Variants in RBFOX1 observed in about 807,000 individuals in gnomAD.
RBFOX1 encodes the protein RNA binding fox-1 homolog 1, also known as RNA binding protein fox-1 homolog 1.
Under a neutral mutation model 57.7 loss-of-function variants are expected in RBFOX1, and 8 were observed. That is an observed-to-expected ratio of 0.14 (90% CI 0.08 to 0.25). The LOEUF is 0.25. RBFOX1 is among the 10% of genes least tolerant of loss of function. The pLI, the probability that RBFOX1 is intolerant of heterozygous loss-of-function variation, is 1.00. For synonymous variants in RBFOX1, 326 were observed against 222.4 expected, an observed-to-expected ratio of 1.47 and a Z score of -4.15; for missense variants, 611 against 548.5, an observed-to-expected ratio of 1.11 and a Z score of -1.14.
intron 3 of RBFOX1, among the ~76,000 whole-genome samples, chr16:5,676,546 G>T (rs1324583034): frequency 6.6e-6 from 1 of 152,164 alleles, no homozygotes; most frequent in Non-Finnish European, 1.5e-5. Context: ...TGTGAGGATT[G>T]AATGAGATTG....
chr16:6,285,333 TG>T (rs1242085187), intron 1 of RBFOX1, among the ~76,000 whole-genome samples: 1 of 152,166 alleles, frequency 6.6e-6, no homozygotes, highest in Non-Finnish European at 1.5e-5. Flanking sequence ...AGACTATATC[TG>T]GAAGTATGAA....
chr16:7,284,168 A>T (rs1447078347), intron 4 of RBFOX1, among the ~76,000 whole-genome samples: 2 of 152,202 alleles, frequency 1.3e-5, no homozygotes, highest in Non-Finnish European at 2.9e-5. Flanking sequence ...ACTATAGTTT[A>T]TTCACTAGTT....
At chr16:6,865,628 T>C (rs2059784485) in intron 3 of RBFOX1, among the ~76,000 whole-genome samples, 1 of 152,208 alleles carries the variant, frequency 6.6e-6, no homozygotes, top group Admixed American at 6.5e-5. Flanking sequence ...TACTATGGAC[T>C]GAGATGTATT....
intron 10 of RBFOX1, among the ~76,000 whole-genome samples, chr16:7,616,422 G>A (rs941150119): frequency 2.0e-5 from 3 of 152,212 alleles, no homozygotes; most frequent in South Asian, 2.1e-4. Flanking sequence ...TAGGCAAGCT[G>A]CACCTGCATG....
At chr16:6,308,532 G>A (rs1342667962) in intron 1 of RBFOX1, among the ~76,000 whole-genome samples, 1 of 152,214 alleles carries the variant, frequency 6.6e-6, no homozygotes, top group Non-Finnish European at 1.5e-5. Flanking sequence ...AGGGTTGCCT[G>A]CACTTGAACA....
chr16:6,590,398 A>G (rs531994561), intron 2 of RBFOX1, among the ~76,000 whole-genome samples: 9 of 152,250 alleles, frequency 5.9e-5, no homozygotes, highest in African/African-American at 2.2e-4. Flanking sequence ...GCTTCCTTTC[A>G]ATCAAAAGCT....
At chr16:7,246,889 G>T (rs554514773) in intron 4 of RBFOX1, among the ~76,000 whole-genome samples, 2 of 152,042 alleles carry the variant, frequency 1.3e-5, no homozygotes, top group Non-Finnish European at 2.9e-5. Context: ...CCACGAGACA[G>T]GAAAGTTATA....
At chr16:5,345,367 A>G (rs1033108808) in intron 1 of RBFOX1, among the ~76,000 whole-genome samples, 4 of 152,152 alleles carry the variant, frequency 2.6e-5, no homozygotes, top group African/African-American at 7.2e-5. Context: ...CCTGAAAACA[A>G]GGTAACACAA....
intron 4 of RBFOX1, among the ~76,000 whole-genome samples, chr16:7,110,790 G>A (rs978518771): frequency 6.6e-6 from 1 of 152,130 alleles, no homozygotes; most frequent in Non-Finnish European, 1.5e-5. Context: ...TGTCACAGGA[G>A]AAAATTTTAG....
At chr16:6,025,854 C>T (rs1005775479) in intron 1 of RBFOX1, among the ~76,000 whole-genome samples, 1 of 152,208 alleles carries the variant, frequency 6.6e-6, no homozygotes, top group Non-Finnish European at 1.5e-5. Context: ...CATTGACTGT[C>T]TCTTTATCCA....
At chr16:6,489,889 A>G (rs940839652) in intron 2 of RBFOX1, among the ~76,000 whole-genome samples, 1 of 151,948 alleles carries the variant, frequency 6.6e-6, no homozygotes, top group Non-Finnish European at 1.5e-5. Context: ...AGTGATCTCC[A>G]TTTTATCCCC....
chr16:6,701,039 G>A (rs562338871), intron 3 of RBFOX1, among the ~76,000 whole-genome samples: 4 of 152,232 alleles, frequency 2.6e-5, no homozygotes, highest in Admixed American at 2.0e-4. Context: ...GGGCAGAGGG[G>A]GGGGTGAGTC....
At chr16:6,856,624 G>A (rs367572860) in intron 3 of RBFOX1, among the ~76,000 whole-genome samples, 3 of 152,146 alleles carry the variant, frequency 2.0e-5, no homozygotes, top group African/African-American at 7.2e-5. Flanking sequence ...TGAGAAGACA[G>A]TGATAAACCA....
intron 4 of RBFOX1, among the ~76,000 whole-genome samples, chr16:7,260,552 A>G (rs1028006710): frequency 6.6e-6 from 1 of 152,056 alleles, no homozygotes; most frequent in Non-Finnish European, 1.5e-5. Flanking sequence ...CTGCATCTTC[A>G]GGGAATAACT....
At chr16:6,886,881 TTTG>T (rs1404368619) in intron 3 of RBFOX1, among the ~76,000 whole-genome samples, 1 of 152,164 alleles carries the variant, frequency 6.6e-6, no homozygotes, top group Non-Finnish European at 1.5e-5. Flanking sequence ...CTTCCGAAAT[TTTG>T]TTGCATTAGG....
At chr16:5,701,344 T>A (rs895705504) in intron 3 of RBFOX1, among the ~76,000 whole-genome samples, 1 of 152,254 alleles carries the variant, frequency 6.6e-6, no homozygotes, top group Non-Finnish European at 1.5e-5. Context: ...AAAGTTTATT[T>A]TGCATGTAGA....
chr16:5,354,848 A>T (rs527694140), intron 1 of RBFOX1, among the ~76,000 whole-genome samples: 1 of 152,198 alleles, frequency 6.6e-6, no homozygotes, highest in East Asian at 1.9e-4. Flanking sequence ...ACTTGTCACC[A>T]TGTGCCAGGC....
chr16:6,565,644 T>G (rs1051814666), intron 2 of RBFOX1, among the ~76,000 whole-genome samples: 11 of 150,996 alleles, frequency 7.3e-5, no homozygotes, highest in African/African-American at 2.4e-4. Context: ...TTTTTTTGTA[T>G]TTTTAGTAGA....
At chr16:6,211,138 A>ACCATGAGACAGTTTTTGCTT (rs1567686363) in intron 1 of RBFOX1, among the ~76,000 whole-genome samples, 2 of 144,654 alleles carry the variant, frequency 1.4e-5, no homozygotes, top group Non-Finnish European at 3.0e-5. Context: ...CTGGACAGTA[A>ACCATGAGACAGTTTTTGCTT]CCATGAGACA....
Sources: gnomAD v4.1 joint callset for allele counts (sites outside exome capture counted in the v4.1 genomes callset) on GRCh38, gnomAD v4.1.1 for gene constraint, MANE v1.5 for transcripts, NCBI Gene and HGNC (gene_info 2026-07-23, HGNC 2026-07-21) for gene names.